CACNA2D2: variants seen among roughly 807,000 people sequenced by gnomAD.
The protein encoded by CACNA2D2 is calcium voltage-gated channel auxiliary subunit alpha2delta 2, also known as voltage-dependent calcium channel subunit alpha-2/delta-2.
A neutral mutation model predicts 166.4 loss-of-function variants in CACNA2D2; 48 were observed. The observed-to-expected ratio is 0.29, with a 90% CI of 0.23 to 0.37. CACNA2D2 has a LOEUF of 0.37. Among genes scored for constraint, CACNA2D2 ranks in the 10% least tolerant of loss-of-function variants. CACNA2D2 has a pLI of 1.00. For synonymous variants in CACNA2D2, 561 were observed against 573.7 expected, an observed-to-expected ratio of 0.98 and a Z score of 0.32; for missense variants, 1,122 against 1,433.0, an observed-to-expected ratio of 0.78 and a Z score of 3.50.
chr3:50,440,612 G>A (rs1381980280), intron 2 of CACNA2D2, among the ~76,000 whole-genome samples: 3 of 152,232 alleles, frequency 2.0e-5, no homozygotes. Context: ...GCCTGCACGG[G>A]CTACAGTGGA....
Position 50,363,017 on chromosome 3 carries a change from C to A in CACNA2D2, c.*1649G>T. The A allele has an allele frequency of 5.0e-6, 2 of 397,700 alleles. No homozygotes were observed. Among genetic ancestry groups the A allele is most frequent in the Admixed American group, 4.4e-5 (1 of 22,718 alleles). 24.6% of individuals were successfully genotyped at this position (397,700 alleles called of 1,614,324 possible). ...CCCCCAGCCCAAGGTGAGGGGCAGC[C>A]AGGTCGGGTGGGTAATGAGAAGGAT... is the stretch of plus-strand genomic sequence containing the variant. On this transcript the variant is annotated 3_prime_UTR_variant, in exon 38 of 38. Coordinates refer to ENST00000424201, the MANE Select transcript of CACNA2D2 (RefSeq NM_006030.4).
At position 50,365,447 on chromosome 3, in the gene CACNA2D2, C is replaced by T; in HGVS notation, c.3007G>A (p.Glu1003Lys). Residue 1003 changes from glutamate (E) to lysine (K), a missense_variant, in exon 35 of 38, where the codon GAG becomes AAG. Glu to Lys is a moderately conservative substitution (Grantham distance 56). Coordinates refer to ENST00000424201, the MANE Select transcript of CACNA2D2 (RefSeq NM_006030.4). The surrounding 1 kb of genome is among the most constrained non-coding windows in gnomAD (Gnocchi z 4.5). The stretch of plus-strand genomic sequence containing the variant: ...GTCTGTTTCATGACGCAGCTGCTCT[C>T]GCGCGTCTCGGGGCTCCCCTCGGCC... ...AEAEGSPETRESSCVMKQTQY... is the reference protein window; with the variant it reads ...AEAEGSPETRKSSCVMKQTQY... 1 of 1,613,600 alleles carries T rather than the reference C, an allele frequency of 6.2e-7. No homozygotes were observed. Among genetic ancestry groups the T allele is most frequent in the Non-Finnish European group, 8.5e-7 (1 of 1,179,880 alleles).
intron 2 of CACNA2D2, among the ~76,000 whole-genome samples, chr3:50,447,924 A>G (rs774104455): frequency 6.6e-6 from 1 of 152,166 alleles, no homozygotes; most frequent in African/African-American, 2.4e-5. Flanking sequence ...CAGAGGTCTA[A>G]GCAGGGAGCC....
intron 3 of CACNA2D2, among the ~76,000 whole-genome samples, chr3:50,408,041 C>G (rs1313742383): frequency 6.6e-6 from 1 of 152,150 alleles, no homozygotes; most frequent in African/African-American, 2.4e-5. Flanking sequence ...TTATCTGCAC[C>G]TTGCTTCACA....
intron 1 of CACNA2D2, among the ~76,000 whole-genome samples, chr3:50,496,281 A>T (rs920234178): frequency 2.6e-5 from 4 of 151,540 alleles, no homozygotes; most frequent in Non-Finnish European, 5.9e-5. Context: ...TGCTGCCTAC[A>T]CACGAGAATG....
chr3:50,410,506 C>T (rs974577838), intron 3 of CACNA2D2, among the ~76,000 whole-genome samples: 13 of 150,432 alleles, frequency 8.6e-5, no homozygotes, highest in Admixed American at 4.6e-4. Flanking sequence ...GTCTTTGTGC[C>T]CCAGAGTCAG....
chr3:50,403,602 C>G (rs1706551881), intron 3 of CACNA2D2, among the ~76,000 whole-genome samples: 1 of 152,198 alleles, frequency 6.6e-6, no homozygotes, highest in Non-Finnish European at 1.5e-5. Flanking sequence ...CCAGCCCCCA[C>G]ACCTTCAGGT....
intron 2 of CACNA2D2, among the ~76,000 whole-genome samples, chr3:50,443,764 T>G (rs1019015128): frequency 6.6e-6 from 1 of 152,204 alleles, no homozygotes; most frequent in African/African-American, 2.4e-5. Context: ...CATCTTCGGA[T>G]GTGTAAAATG....
At chr3:50,369,048 G>A (rs1269888106) in intron 23 of CACNA2D2, among the ~76,000 whole-genome samples, 1 of 152,226 alleles carries the variant, frequency 6.6e-6, no homozygotes, top group African/African-American at 2.4e-5. Flanking sequence ...CTGTGGTAGG[G>A]CTCATGGCTT....
intron 1 of CACNA2D2, among the ~76,000 whole-genome samples, chr3:50,492,272 C>T (rs1698552003): frequency 6.6e-6 from 1 of 152,268 alleles, no homozygotes; most frequent in South Asian, 2.1e-4. Context: ...ATCCTCTTAG[C>T]CCACTCATGC....
intron 2 of CACNA2D2, among the ~76,000 whole-genome samples, chr3:50,469,203 T>C (rs974634507): frequency 6.6e-6 from 1 of 152,058 alleles, no homozygotes; most frequent in Non-Finnish European, 1.5e-5. Context: ...AGAAACTGAC[T>C]CACAGTCTTC....
At chr3:50,405,729 T>C (rs1275914648) in intron 3 of CACNA2D2, among the ~76,000 whole-genome samples, 3 of 152,152 alleles carry the variant, frequency 2.0e-5, no homozygotes, top group African/African-American at 7.2e-5. Context: ...AGGGGCCCAC[T>C]GGCCCCCCCA....
At chr3:50,466,808 T>G (rs1156803017) in intron 2 of CACNA2D2, among the ~76,000 whole-genome samples, 1 of 152,220 alleles carries the variant, frequency 6.6e-6, no homozygotes, top group Non-Finnish European at 1.5e-5. Context: ...ATGGTCTCCA[T>G]ACCCCATTTG....
At chr3:50,409,747 T>A (rs541063799) in intron 3 of CACNA2D2, among the ~76,000 whole-genome samples, 2 of 152,312 alleles carry the variant, frequency 1.3e-5, no homozygotes, top group Non-Finnish European at 2.9e-5. Flanking sequence ...TACTTGCCGA[T>A]TAGCCCAGGA....
rs919971232 is a variant in CACNA2D2, at chr3:50,429,593, A to C, written c.405+4720T>G. Among the ~76,000 whole-genome samples, 30 of 49,696 alleles carry C rather than the reference A, an allele frequency of 6.0e-4. No homozygotes were observed. In the East Asian group the frequency reaches 8.4e-3, roughly 14 times the overall value. 32.6% of individuals were successfully genotyped at this position (49,696 alleles called of 152,430 possible). A position where few individuals can be genotyped will look rare whatever the true frequency, so the allele number is the denominator to read the frequency against. On this transcript the variant is annotated intron_variant, in intron 3 of 37. Transcript: ENST00000424201. Reference sequence around the variant, plus strand: ...GAAACCCCATCTCTACTAAAAATACAAAAAAAAAAAAAAAAAAAAAAAAAA... The same window carrying C: ...GAAACCCCATCTCTACTAAAAATACCAAAAAAAAAAAAAAAAAAAAAAAAA...
rs1415243762 is a variant in CACNA2D2 at position 50,365,066 on chromosome 3, G to T, written c.3208+9C>A. 3 of 1,607,742 alleles carry T rather than the reference G, an allele frequency of 1.9e-6. No homozygotes were observed. The highest frequency in any genetic ancestry group is 2.5e-6 in the Non-Finnish European group (3 of 1,177,638). On this transcript the variant is annotated intron_variant, in intron 36 of 37. Coordinates refer to ENST00000424201, the MANE Select transcript of CACNA2D2 (RefSeq NM_006030.4). This position sits in a 1 kb window ranked among gnomAD's most constrained non-coding sequence, Gnocchi z 4.5. ...GGAGCGGGCGGCGGGGAGGGCGGGG[G>T]CAGGATACAGTGCGTCTCCTTCTGC...
intron 2 of CACNA2D2, among the ~76,000 whole-genome samples, chr3:50,470,062 G>A (rs912353992): frequency 2.0e-5 from 3 of 152,216 alleles, no homozygotes. Context: ...AACCTGGGGG[G>A]CAACTCCGTG....
intron 2 of CACNA2D2, among the ~76,000 whole-genome samples, chr3:50,467,952 C>T (rs1189258398): frequency 3.9e-5 from 6 of 152,212 alleles, no homozygotes; most frequent in Non-Finnish European, 8.8e-5. Context: ...CTGCTCCTGC[C>T]GCCCCTGGGG....
intron 4 of CACNA2D2, among the ~76,000 whole-genome samples, chr3:50,389,559 G>T (rs1705785922): frequency 6.6e-6 from 1 of 152,200 alleles, no homozygotes; most frequent in Non-Finnish European, 1.5e-5. Context: ...GGAGCCCTAG[G>T]CTCCCCTCAC....
Sources: allele counts gnomAD v4.1 joint callset (sites outside exome capture counted in the v4.1 genomes callset), GRCh38; gene constraint gnomAD v4.1.1; non-coding constraint Gnocchi (gnomAD v3.1); transcripts MANE v1.5; gene names NCBI Gene and HGNC (gene_info 2026-07-23, HGNC 2026-07-21).